GRM5: variants seen among roughly 807,000 people sequenced by gnomAD.
GRM5 encodes the protein glutamate metabotropic receptor 5.
GRM5 carries 19 observed loss-of-function variants against 83.1 expected under a neutral mutation model. The observed-to-expected ratio is 0.23, with a 90% CI of 0.16 to 0.34. The LOEUF is 0.34. GRM5 is among the 10% of genes least tolerant of loss of function. GRM5 has a pLI of 1.00. For synonymous variants in GRM5, 675 were observed against 633.6 expected (o/e 1.07, Z -0.98); for missense variants, 1,160 against 1,588.3 (o/e 0.73, Z 4.58).
At chr11:89,023,153 G>GTA (rs770673490) in intron 2 of GRM5, among the ~76,000 whole-genome samples, 33 of 151,922 alleles carry the variant, frequency 2.2e-4, no homozygotes, top group Non-Finnish European at 3.8e-4. Flanking sequence ...GTGTGTGTGT[G>GTA]TGTGTGTGTG....
At chr11:88,776,271 T>C (rs111371145) in intron 3 of GRM5, among the ~76,000 whole-genome samples, 12,823 of 152,166 alleles carry the variant, frequency 0.084, 990 homozygotes, top group African/African-American at 0.21. Context: ...ACCCCTGTTT[T>C]TTTTGCTTTC....
intron 7 of GRM5, among the ~76,000 whole-genome samples, chr11:88,570,567 ATATATTTTTTTTTTTT>A (rs1351245099): frequency 1.4e-5 from 1 of 71,600 alleles, no homozygotes; most frequent in Non-Finnish European, 2.4e-5. Context: ...ATATATATAT[ATATATTTTTTTTTTTT>A]TTTTTTTTTT....
At chr11:88,857,741 A>G (rs1944499647) in intron 2 of GRM5, among the ~76,000 whole-genome samples, 2 of 152,130 alleles carry the variant, frequency 1.3e-5, no homozygotes, top group African/African-American at 4.8e-5. Flanking sequence ...CTTTCACAAC[A>G]AAACATTGTA....
intron 8 of GRM5, among the ~76,000 whole-genome samples, chr11:88,553,786 A>G (rs1348342357): frequency 1.3e-5 from 2 of 152,160 alleles, no homozygotes; most frequent in African/African-American, 4.8e-5. Flanking sequence ...TAGAACATGC[A>G]TGTTGGGGGG....
chr11:88,506,458 T>A lies in GRM5; in HGVS notation c.*2134A>T, dbSNP rs1293151033. 2.0e-5 allele frequency: 3 copies of A among 152,184 alleles called. No homozygotes were observed. The highest frequency in any genetic ancestry group is 4.4e-5 in the Non-Finnish European group (3 of 68,026). 9.4% of individuals were successfully genotyped at this position (152,184 alleles called of 1,614,324 possible). A position where few individuals can be genotyped will look rare whatever the true frequency, so the allele number is the denominator to read the frequency against. ...ATCCTTTTGATGAGGATCCAAAGGG[T>A]ATTAACACCTCAAAAGATTTCCATT... is the stretch of plus-strand genomic sequence containing the variant. On this transcript the variant is annotated 3_prime_UTR_variant, in exon 10 of 10. Coordinates refer to ENST00000305447, the MANE Select transcript of GRM5 (RefSeq NM_001143831.3).
chr11:88,940,809 T>G (rs1938065027), intron 2 of GRM5, among the ~76,000 whole-genome samples: 1 of 151,966 alleles, frequency 6.6e-6, no homozygotes, highest in South Asian at 2.1e-4. Context: ...AACGTACATA[T>G]TTTGATAAAT....
intron 3 of GRM5, among the ~76,000 whole-genome samples, chr11:88,745,842 C>T (rs1942127124): frequency 6.6e-6 from 1 of 152,140 alleles, no homozygotes; most frequent in African/African-American, 2.4e-5. Flanking sequence ...ACTTTTTGCT[C>T]ATGCTGAGAA....
Position 88,602,770 on chromosome 11 carries a change from T to C in GRM5, c.1394+1948A>G, listed in dbSNP as rs189239742. ...GGCAAGTCATTGAACTTTTGTAAGCTTTGGTTTTCTTTAGCTGGAAAAAAG... is the reference window on the plus strand; with the variant it reads ...GGCAAGTCATTGAACTTTTGTAAGCCTTGGTTTTCTTTAGCTGGAAAAAAG... On this transcript the variant is annotated intron_variant, in intron 5 of 9. Coordinates refer to ENST00000305447, the MANE Select transcript of GRM5 (RefSeq NM_001143831.3). Among the ~76,000 whole-genome samples the C allele has an allele frequency of 1.1e-3, 175 of 152,328 alleles. 1 individual carries two copies. In the Middle Eastern group the frequency reaches 0.014, roughly 12 times the overall value.
rs938259021 is a variant in GRM5 at position 88,989,787 on chromosome 11, G to C, written c.661+57425C>G. Reference sequence around the variant, plus strand: ...CTGGGTACATAACGAAATGAAGGCAGAAATAAAGATGTTCTTTGAAACCAA... The same window carrying C: ...CTGGGTACATAACGAAATGAAGGCACAAATAAAGATGTTCTTTGAAACCAA... On this transcript the variant is annotated intron_variant, in intron 2 of 9. Transcript: ENST00000305447. Among the ~76,000 whole-genome samples the C allele has an allele frequency of 3.4e-4, 50 of 147,194 alleles. 1 individual carries two copies. Among genetic ancestry groups the C allele is most frequent in the African/African-American group, 1.2e-3 (46 of 39,674 alleles).
At chr11:88,736,795 A>G (rs898507210) in intron 3 of GRM5, among the ~76,000 whole-genome samples, 2 of 152,082 alleles carry the variant, frequency 1.3e-5, no homozygotes, top group African/African-American at 2.4e-5. Flanking sequence ...CTTTCATGGT[A>G]TCAGTAGCCA....
chr11:88,923,603 G>A (rs1379391210), intron 2 of GRM5, among the ~76,000 whole-genome samples: 1 of 151,984 alleles, frequency 6.6e-6, no homozygotes, highest in East Asian at 1.9e-4. Context: ...CAAAAATATA[G>A]TTAGATAGAA....
chr11:88,791,122 G>T (rs1943165350), intron 3 of GRM5, among the ~76,000 whole-genome samples: 1 of 152,140 alleles, frequency 6.6e-6, no homozygotes, highest in South Asian at 2.1e-4. Flanking sequence ...GCATGAACAG[G>T]ATTTATTCCT....
intron 2 of GRM5, among the ~76,000 whole-genome samples, chr11:89,034,411 A>C (rs1310169383): frequency 6.6e-6 from 1 of 152,042 alleles, no homozygotes; most frequent in South Asian, 2.1e-4. Context: ...CTATCCATAC[A>C]TATTCTATTC....
At chr11:88,695,026 G>A (rs760455525) in intron 3 of GRM5, among the ~76,000 whole-genome samples, 24 of 152,226 alleles carry the variant, frequency 1.6e-4, no homozygotes, top group Non-Finnish European at 3.4e-4. Flanking sequence ...CCAATTTAAT[G>A]ACTGATGCAA....
intron 2 of GRM5, among the ~76,000 whole-genome samples, chr11:88,929,698 A>T (rs555490764): frequency 4.3e-4 from 65 of 152,260 alleles, no homozygotes; most frequent in African/African-American, 1.6e-3. Context: ...TAAAATAGGT[A>T]ACAATATGAA....
At chr11:88,947,928 C>T (rs3931322) in intron 2 of GRM5, among the ~76,000 whole-genome samples, 2,556 of 152,176 alleles carry the variant, frequency 0.017, 72 homozygotes, top group African/African-American at 0.059. Context: ...GCTCTGGAGT[C>T]AGAAGTCGCA....
intron 3 of GRM5, among the ~76,000 whole-genome samples, chr11:88,739,386 A>T (rs757108387): frequency 2.6e-5 from 4 of 152,128 alleles, no homozygotes; most frequent in Non-Finnish European, 5.9e-5. Context: ...AAAGTATTCT[A>T]TAGGCAAAAA....
Position 88,506,804 on chromosome 11 carries a change from A to G in GRM5, c.*1788T>C, listed in dbSNP as rs971357812. 9 of 152,126 alleles carry G rather than the reference A, an allele frequency of 5.9e-5. No individual in the cohort carries two copies. Among genetic ancestry groups the G allele is most frequent in the Non-Finnish European group, 7.4e-5 (5 of 68,002 alleles). The allele number at this position is 152,126 out of a possible 1,614,324, so 9.4% of individuals were successfully genotyped here. On this transcript the variant is annotated 3_prime_UTR_variant, in exon 10 of 10. Coordinates refer to ENST00000305447, the MANE Select transcript of GRM5 (RefSeq NM_001143831.3). ...AAATTATGCCAATGGACTGACTTCT[A>G]TTTCTCAGTTTATTTTCTGTTAAGT...
chr11:88,611,405 T>A (rs1203960591), intron 4 of GRM5, among the ~76,000 whole-genome samples: 5 of 152,226 alleles, frequency 3.3e-5, no homozygotes, highest in Non-Finnish European at 7.3e-5. Context: ...TTGTTATTTA[T>A]CTGTTCAGAA....
Sources: gnomAD v4.1 joint callset for allele counts (sites outside exome capture counted in the v4.1 genomes callset) on GRCh38, gnomAD v4.1.1 for gene constraint, MANE v1.5 for transcripts, NCBI Gene and HGNC (gene_info 2026-07-23, HGNC 2026-07-21) for gene names.